The following TNFRSF11B variants were observed in gnomAD, a reference collection of about 807,000 sequenced individuals.
TNFRSF11B encodes the protein tumor necrosis factor receptor superfamily member 11B.
A neutral mutation model predicts 43.4 loss-of-function variants in TNFRSF11B; 16 were observed. The ratio of observed to expected loss-of-function variants is 0.37; its 90% CI spans 0.25 to 0.56. The LOEUF (loss-of-function observed/expected upper bound fraction) is 0.56. Among genes scored for constraint, TNFRSF11B ranks in the 20% least tolerant of loss-of-function variants. TNFRSF11B has a pLI of 0.80. For synonymous variants in TNFRSF11B, 185 were observed against 181.8 expected (o/e 1.02, Z -0.14); for missense variants, 444 against 490.1 (o/e 0.91, Z 0.89).
In TNFRSF11B at chr8:118,924,798, C is replaced by A. The variant is rs542877648; in HGVS notation, c.818-36G>T. 31 of 1,613,372 alleles carry A rather than the reference C, an allele frequency of 1.9e-5. No homozygotes were observed. In the East Asian group the frequency reaches 4.5e-4, roughly 23 times the overall value. Reference sequence around the variant, plus strand: ...CAAAAGCCCAGATAAGTGTTCACATCATTTATATTCATCCAATGCCATCAT... The same window carrying A: ...CAAAAGCCCAGATAAGTGTTCACATAATTTATATTCATCCAATGCCATCAT... On this transcript the variant is annotated intron_variant, in intron 4 of 4. Transcript: ENST00000297350.
In TNFRSF11B at chr8:118,924,489, C is replaced by T. The variant is rs747505927; in HGVS notation, c.1091G>A (p.Ser364Asn). The T allele has an allele frequency of 8.1e-6, 13 of 1,614,032 alleles. No individual in the cohort carries two copies. Among genetic ancestry groups the T allele is most frequent in the Non-Finnish European group, 1.1e-5 (13 of 1,179,938 alleles). The change falls in exon 5 of 5, where the codon AGT (serine) becomes AAT (asparagine). Residue 364 changes from serine (S) to asparagine (N), a missense_variant. By Grantham distance (46) the Ser-to-Asn change is conservative. Coordinates refer to ENST00000297350, the MANE Select transcript of TNFRSF11B (RefSeq NM_002546.4). ...TYHFPKTVTQ[S>N]LKKTIRFLHS... is the part of the protein sequence containing the mutation. ...AAGGAACCTGATGGTCTTCTTTAGACTCTGAGTGACAGTTTTGGGAAAGTG... is the reference window on the plus strand; with the variant it reads ...AAGGAACCTGATGGTCTTCTTTAGATTCTGAGTGACAGTTTTGGGAAAGTG...
chr8:118,951,405 T>C lies in TNFRSF11B; in HGVS notation c.30+387A>G, dbSNP rs527513484. ...ACTCTGAATCTAAGGGACCACTTCT[T>C]TGCCACTAATAATAAAAGTTCAAGT... On this transcript the variant is annotated intron_variant, in intron 1 of 4. Transcript: ENST00000297350. Among the ~76,000 whole-genome samples, 13 of 152,310 alleles carry C rather than the reference T, an allele frequency of 8.5e-5. No homozygotes were observed. The South Asian group carries it at 2.7e-3, about 32-fold the overall frequency.
intron 1 of TNFRSF11B, among the ~76,000 whole-genome samples, chr8:118,949,857 T>C (rs1812615851): frequency 6.6e-6 from 1 of 152,166 alleles, no homozygotes; most frequent in South Asian, 2.1e-4. Flanking sequence ...GGCACCTTGG[T>C]TTTACAAAAG....
At chr8:118,931,477 T>C (rs2129893189) in intron 2 of TNFRSF11B, among the ~76,000 whole-genome samples, 1 of 152,342 alleles carries the variant, frequency 6.6e-6, no homozygotes, top group African/African-American at 2.4e-5. Context: ...ACTTTTCATT[T>C]TTCTACATAT....
At chr8:118,940,998 T>G (rs149026738) in intron 1 of TNFRSF11B, among the ~76,000 whole-genome samples, 19 of 152,290 alleles carry the variant, frequency 1.2e-4, no homozygotes, top group African/African-American at 4.6e-4. Context: ...TGTGTATCAT[T>G]AGGATCATTG....
rs1467080164 is a variant in TNFRSF11B, at chr8:118,951,866, G to C, written c.-45C>G. 2 of 1,550,660 alleles carry C rather than the reference G, an allele frequency of 1.3e-6. No homozygotes were observed. Among genetic ancestry groups the C allele is most frequent in the Non-Finnish European group, 1.8e-6 (2 of 1,142,252 alleles). ...AGGGGCTTGGAGGCGGCGGCTGGGC[G>C]AGCGCTCCGGTGCGTCTCCGCAGCC... On this transcript the variant is annotated 5_prime_UTR_variant, in exon 1 of 5. Coordinates refer to ENST00000297350, the MANE Select transcript of TNFRSF11B (RefSeq NM_002546.4).
In TNFRSF11B at chr8:118,928,012, ATGTGTG is replaced by A. The variant is rs58489703; in HGVS notation, c.592+720_592+725del. On this transcript the variant is annotated intron_variant, in intron 3 of 4. Transcript: ENST00000297350. ...TAACAAAGCCAAGTACACATTTCTA[ATGTGTG>A]TGTGTGTGTGTGTGTGTGTGTGTGT... Among the ~76,000 whole-genome samples the A allele has an allele frequency of 7.8e-4, 113 of 145,256 alleles. 1 individual carries two copies. Among genetic ancestry groups the A allele is most frequent in the African/African-American group, 2.0e-3 (80 of 39,178 alleles).
chr8:118,946,061 A>C (rs560675712), intron 1 of TNFRSF11B, among the ~76,000 whole-genome samples: 1 of 152,326 alleles, frequency 6.6e-6, no homozygotes, highest in Non-Finnish European at 1.5e-5. Flanking sequence ...GAGGTAAATC[A>C]AAGCCATTAT....
intron 1 of TNFRSF11B, among the ~76,000 whole-genome samples, chr8:118,940,918 C>T (rs1055243583): frequency 2.0e-5 from 3 of 152,156 alleles, no homozygotes; most frequent in Non-Finnish European, 2.9e-5. Flanking sequence ...AAATGCTTAG[C>T]ATGGTGTCTT....
At position 118,933,064 on chromosome 8, in the gene TNFRSF11B, C is replaced by T; in HGVS notation, c.267G>A (p.Glu89=). Residue 89 remains glutamate (E), a synonymous_variant, in exon 2 of 5, where the codon GAG becomes GAA. Coordinates refer to ENST00000297350, the MANE Select transcript of TNFRSF11B (RefSeq NM_002546.4). ...ECLYCSPVCK[E]LQYVKQECNR... is the part of the protein sequence containing the mutation. ...TGCACTCCTGCTTGACGTACTGCAGCTCCTTGCACACGGGGCTGCAGTATA... is the reference window on the plus strand; with the variant it reads ...TGCACTCCTGCTTGACGTACTGCAGTTCCTTGCACACGGGGCTGCAGTATA... 1.2e-6 allele frequency: 2 copies of T among 1,614,216 alleles called. No homozygotes were observed. Among genetic ancestry groups the T allele is most frequent in the East Asian group, 4.5e-5 (2 of 44,860 alleles).
rs538441212 is a variant in TNFRSF11B, at chr8:118,923,712, C to T, written c.*662G>A. The T allele has an allele frequency of 6.6e-6, 1 of 152,470 alleles. No homozygotes were observed. The highest frequency in any genetic ancestry group is 2.1e-4 in the South Asian group (1 of 4,804). 9.4% of individuals were successfully genotyped at this position (152,470 alleles called of 1,614,324 possible). On this transcript the variant is annotated 3_prime_UTR_variant, in exon 5 of 5. Transcript: ENST00000297350. ...ACATTAAACAATTGACTAAATAATG[C>T]ATTTTCTATAAAATGATATTACAGC...
rs375445405 is a variant in TNFRSF11B at position 118,944,287 on chromosome 8, A to G, written c.30+7505T>C. 4.6e-5 allele frequency among the ~76,000 whole-genome samples: 7 copies of G among 152,256 alleles called. No homozygotes were observed. The East Asian group carries it at 1.2e-3, about 25-fold the overall frequency. On this transcript the variant is annotated intron_variant, in intron 1 of 4. Transcript: ENST00000297350. ...GTCCGGGACCTAGGATGATATAGCA[A>G]CCAATACCTGAAATATTGCTGATTT...
intron 1 of TNFRSF11B, among the ~76,000 whole-genome samples, chr8:118,948,412 G>T (rs890366789): frequency 2.1e-4 from 32 of 152,194 alleles, no homozygotes; most frequent in African/African-American, 6.7e-4. Context: ...TGCCAGCAGT[G>T]GGGGGCTGAC....
At position 118,944,614 on chromosome 8, in the gene TNFRSF11B, C is replaced by A. The variant is rs558127788; in HGVS notation, c.30+7178G>T. 2.4e-4 allele frequency among the ~76,000 whole-genome samples: 36 copies of A among 151,046 alleles called. 1 individual carries two copies. Among genetic ancestry groups the A allele is most frequent in the Non-Finnish European group, 5.2e-4 (35 of 67,714 alleles). ...TTTTAGCACAATCTAGTTTTTTTTT[C>A]TTTTTTTTACATTTTTTACTGGATA... On this transcript the variant is annotated intron_variant, in intron 1 of 4. Coordinates refer to ENST00000297350, the MANE Select transcript of TNFRSF11B (RefSeq NM_002546.4).
intron 1 of TNFRSF11B, among the ~76,000 whole-genome samples, chr8:118,933,546 A>G (rs1366597141): frequency 1.3e-5 from 2 of 152,220 alleles, no homozygotes; most frequent in Non-Finnish European, 2.9e-5. Flanking sequence ...AAAGCCCATC[A>G]AAATAGAACT....
At chr8:118,932,386 C>T (rs547672124) in intron 2 of TNFRSF11B, among the ~76,000 whole-genome samples, 70 of 152,276 alleles carry the variant, frequency 4.6e-4, no homozygotes, top group African/African-American at 1.5e-3. Flanking sequence ...TCCTTACCCT[C>T]CCAAACACTC....
chr8:118,930,837 A>G (rs1812318530), intron 2 of TNFRSF11B: 14 of 407,036 alleles, frequency 3.4e-5, no homozygotes, highest in South Asian at 2.4e-4. Flanking sequence ...ATTTAACAAA[A>G]AGAATCTAAG....
At chr8:118,929,107 T>A (rs1812289832) in intron 2 of TNFRSF11B, 178 bp from the exon 3 acceptor site, 1 of 630,276 alleles carries the variant, frequency 1.6e-6, no homozygotes, top group Non-Finnish European at 2.8e-6. Flanking sequence ...TCCACCATCA[T>A]CCCCTTTGGC....
intron 1 of TNFRSF11B, among the ~76,000 whole-genome samples, chr8:118,946,750 C>T (rs565212108): frequency 1.3e-5 from 2 of 152,154 alleles, no homozygotes; most frequent in African/African-American, 4.8e-5. Flanking sequence ...AAAATCTTCT[C>T]TAGGCTGTTG....
Sources: allele counts gnomAD v4.1 joint callset (sites outside exome capture counted in the v4.1 genomes callset), GRCh38; gene constraint gnomAD v4.1.1; transcripts MANE v1.5; gene names NCBI Gene and HGNC (gene_info 2026-07-23, HGNC 2026-07-21).